Variants in PCMTD2 observed in about 807,000 individuals in gnomAD.
The protein encoded by PCMTD2 is protein-L-isoaspartate O-methyltransferase domain-containing protein 2.
A neutral mutation model predicts 33.4 loss-of-function variants in PCMTD2; 16 were observed. The observed-to-expected ratio is 0.48, with a 90% CI of 0.32 to 0.73. The LOEUF (loss-of-function observed/expected upper bound fraction) is 0.73, where lower values mean the gene tolerates loss of function less well. Among genes scored for constraint, PCMTD2 ranks in the 30% least tolerant of loss-of-function variants. The pLI is 0.03. For synonymous variants in PCMTD2, 161 were observed against 160.8 expected, an observed-to-expected ratio of 1.00 and a Z score of -0.01; for missense variants, 374 against 449.9, an observed-to-expected ratio of 0.83 and a Z score of 1.53.
At chr20:64,258,431 C>G (rs1033966269) in intron 1 of PCMTD2, among the ~76,000 whole-genome samples, 1 of 152,180 alleles carries the variant, frequency 6.6e-6, no homozygotes, top group Non-Finnish European at 1.5e-5. Flanking sequence ...TATTGATTTG[C>G]AAAACCTAAT....
chr20:64,261,871 A>G (rs796797277), intron 2 of PCMTD2, among the ~76,000 whole-genome samples: 25 of 152,322 alleles, frequency 1.6e-4, no homozygotes, highest in African/African-American at 5.3e-4. Context: ...GCTAAGGTAG[A>G]ACCTTGGGGA....
intron 5 of PCMTD2, among the ~76,000 whole-genome samples, chr20:64,269,226 A>C (rs975376697): frequency 6.6e-6 from 1 of 152,200 alleles, no homozygotes; most frequent in Non-Finnish European, 1.5e-5. Flanking sequence ...GCGTGCTCTG[A>C]AAGTCTCATC....
intron 4 of PCMTD2, 140 bp downstream of exon 4, chr20:64,265,569 G>A: frequency 1.5e-6 from 1 of 651,240 alleles, no homozygotes; most frequent in Non-Finnish European, 2.5e-6. Context: ...TGAGGGAGAT[G>A]CAGGGTCACG....
At chr20:64,260,566 C>T (rs1405885913) in intron 2 of PCMTD2, among the ~76,000 whole-genome samples, 2 of 152,182 alleles carry the variant, frequency 1.3e-5, no homozygotes, top group African/African-American at 4.8e-5. Context: ...AGGATAAAGA[C>T]AGTTGTGTAA....
chr20:64,260,561 A>G (rs1985368832), intron 2 of PCMTD2, among the ~76,000 whole-genome samples: 1 of 152,200 alleles, frequency 6.6e-6, no homozygotes, highest in South Asian at 2.1e-4. Context: ...AGCGGAGGAT[A>G]AAGACAGTTG....
intron 5 of PCMTD2, among the ~76,000 whole-genome samples, chr20:64,272,887 A>T (rs1218875234): frequency 6.6e-6 from 1 of 152,214 alleles, no homozygotes; most frequent in Non-Finnish European, 1.5e-5. Context: ...ACACATGAAC[A>T]CAGCAAATAA....
intron 4 of PCMTD2, chr20:64,265,700 C>G: frequency 2.9e-6 from 1 of 343,348 alleles, no homozygotes; most frequent in Admixed American, 4.5e-5. Flanking sequence ...TCCCTTCCCC[C>G]TCACCTCCCT....
chr20:64,268,105 A>G, intron 5 of PCMTD2, 95 bp downstream of exon 5: 1 of 980,868 alleles, frequency 1.0e-6, no homozygotes, highest in Non-Finnish European at 1.5e-6. Flanking sequence ...ACCTTTTGAT[A>G]TTAAAAAGCA....
At chr20:64,263,136 G>A (rs1985502774) in intron 2 of PCMTD2, among the ~76,000 whole-genome samples, 1 of 152,210 alleles carries the variant, frequency 6.6e-6, no homozygotes, top group Non-Finnish European at 1.5e-5. Flanking sequence ...TAAGATGAGT[G>A]GGAAGAATCA....
At chr20:64,259,910 A>G (rs1985328696) in intron 1 of PCMTD2, 32 bp from the exon 2 acceptor site, 1 of 1,100,704 alleles carries the variant, frequency 9.1e-7, no homozygotes, top group Non-Finnish European at 1.4e-6. Context: ...CCTTTAACAT[A>G]AATCGCTCTT....
chr20:64,259,982 G>A lies in PCMTD2; in HGVS notation c.17G>A (p.Ser6Asn). 1 of 1,611,254 alleles carries A rather than the reference G, an allele frequency of 6.2e-7. No homozygotes were observed. The highest frequency in any genetic ancestry group is 8.5e-7 in the Non-Finnish European group (1 of 1,177,480). Residue 6 changes from serine (S) to asparagine (N), a missense_variant, in exon 2 of 6, where the codon AGT (serine) becomes AAT (asparagine). Ser to Asn is a conservative substitution (Grantham distance 46). Transcript: ENST00000308824. ...ATCTTGAACATGGGCGGTGCTGTGA[G>A]TGCTGGTGAAGACAATGATGAGCTG... MGGAV[S>N]AGEDNDELID...
At chr20:64,258,147 G>T (rs904041898) in intron 1 of PCMTD2, among the ~76,000 whole-genome samples, 4 of 152,158 alleles carry the variant, frequency 2.6e-5, no homozygotes, top group African/African-American at 4.8e-5. Context: ...GACTGAGGAC[G>T]GTATGCGATT....
rs1294941253 is a variant in PCMTD2 at position 64,274,469 on chromosome 20, C to T, written c.*869C>T. ...GATGATTCTTTACCCAGTTTTAAAG[C>T]CCATCATGGTATTCTAAGGTGTTGA... On this transcript the variant is annotated 3_prime_UTR_variant, in exon 6 of 6. Coordinates refer to ENST00000308824, the MANE Select transcript of PCMTD2 (RefSeq NM_018257.3). 1 of 152,114 alleles carries T rather than the reference C, an allele frequency of 6.6e-6. No homozygotes were observed. The highest frequency in any genetic ancestry group is 1.5e-5 in the Non-Finnish European group (1 of 68,034). The allele number at this position is 152,114 out of a possible 1,614,324, so 9.4% of individuals were successfully genotyped here. A position where few individuals can be genotyped will look rare whatever the true frequency, so the allele number is the denominator to read the frequency against.
Position 64,264,511 on chromosome 20 carries a change from A to G in PCMTD2, c.390A>G (p.Arg130=). 1 of 1,569,378 alleles carries G rather than the reference A, an allele frequency of 6.4e-7. No homozygotes were observed. Among genetic ancestry groups the G allele is most frequent in the Non-Finnish European group, 8.8e-7 (1 of 1,139,330 alleles). Residue 130 remains arginine (R), a synonymous_variant, in exon 3 of 6, where the codon AGA becomes AGG. Coordinates refer to ENST00000308824, the MANE Select transcript of PCMTD2 (RefSeq NM_018257.3). ...AGCAGAAACTGGACTTCTTCATCAG[A>G]ACAAGTGATAGTTTTGACAAGTAAG... The part of the protein sequence containing the change: ...YAKQKLDFFI[R]TSDSFDKFDF...
At chr20:64,270,765 GATA>G (rs1985886490) in intron 5 of PCMTD2, among the ~76,000 whole-genome samples, 1 of 143,782 alleles carries the variant, frequency 7.0e-6, no homozygotes, top group Non-Finnish European at 1.5e-5. Flanking sequence ...TGTTCGTTGT[GATA>G]CGTACAATGG....
chr20:64,261,563 G>A lies in PCMTD2; in HGVS notation c.307+1291G>A, dbSNP rs73916745. ...CCAGCCTAGGTGACAGTGAGACTCC[G>A]TCTATAATTGATTTTTGTGGATATG... On this transcript the variant is annotated intron_variant, in intron 2 of 5. Transcript: ENST00000308824. Among the ~76,000 whole-genome samples the A allele has an allele frequency of 2.3e-3, 349 of 150,840 alleles. 2 individuals carry two copies. Among genetic ancestry groups the A allele is most frequent in the African/African-American group, 8.2e-3 (330 of 40,344 alleles).
At chr20:64,272,148 A>C (rs754019399) in intron 5 of PCMTD2, 1 of 478,998 alleles carries the variant, frequency 2.1e-6, no homozygotes, top group South Asian at 1.5e-5. Context: ...ACTCACTACC[A>C]GGGGCCTGGG....
chr20:64,264,714 GT>G (rs1985581279), intron 3 of PCMTD2, among the ~76,000 whole-genome samples, 183 bp downstream of exon 3: 1 of 152,186 alleles, frequency 6.6e-6, no homozygotes. Context: ...ATTTCAAACT[GT>G]TACACATACA....
In PCMTD2 at chr20:64,273,824, G is replaced by A. The variant is rs1020709159; in HGVS notation, c.*224G>A. The A allele has an allele frequency of 2.0e-5, 8 of 407,632 alleles. No individual in the cohort carries two copies. The highest frequency in any genetic ancestry group is 1.4e-4 in the African/African-American group (7 of 48,730). 25.3% of individuals were successfully genotyped at this position (407,632 alleles called of 1,614,324 possible). On this transcript the variant is annotated 3_prime_UTR_variant, in exon 6 of 6. Coordinates refer to ENST00000308824, the MANE Select transcript of PCMTD2 (RefSeq NM_018257.3). ...TCCACAAGACCTTCATTGCATAGAA[G>A]ATTGTTTTCCCAAAGTGGAGAGAAT...
Sources: gnomAD v4.1 joint callset for allele counts (sites outside exome capture counted in the v4.1 genomes callset) on GRCh38, gnomAD v4.1.1 for gene constraint, MANE v1.5 for transcripts, NCBI Gene and HGNC (gene_info 2026-07-23, HGNC 2026-07-21) for gene names.